Variants in AGBL1 observed in about 807,000 individuals in gnomAD.
AGBL1 encodes the protein AGBL carboxypeptidase 1, also known as cytosolic carboxypeptidase 4.
AGBL1 carries 130 observed loss-of-function variants against 118.9 expected under a neutral mutation model. That is an observed-to-expected ratio of 1.09 (90% CI 0.95 to 1.26). The LOEUF is 1.26. Among genes scored for constraint, AGBL1 ranks in the 50% most tolerant of loss-of-function variants. The pLI, the probability that AGBL1 is intolerant of heterozygous loss-of-function variation, is 0.00. For missense variants in AGBL1, 1,584 were observed against 1,298.1 expected (o/e 1.22, Z -3.38); for synonymous variants, 555 against 478.9 (o/e 1.16, Z -2.08).
intron 1 of AGBL1, among the ~76,000 whole-genome samples, chr15:86,120,554 C>T (rs1265145480): frequency 6.6e-6 from 1 of 152,216 alleles, no homozygotes; most frequent in Admixed American, 6.5e-5. Flanking sequence ...TGGGTAGATG[C>T]AGTGGCTGTG....
rs2082217830 is a variant in AGBL1, at chr15:86,453,279, A to G, written c.2555+55733A>G. On this transcript the variant is annotated intron_variant, in intron 18 of 22. Coordinates refer to ENST00000614907, the MANE Select transcript of AGBL1 (RefSeq NM_001386094.1). ...AATTATGTTGGACACTACTGAATAT[A>G]GATAGCTATTCCCACCAGCCATTCA... is the stretch of plus-strand genomic sequence containing the variant. Among the ~76,000 whole-genome samples the G allele has an allele frequency of 2.0e-5, 3 of 152,252 alleles. No homozygotes were observed. In the South Asian group the frequency reaches 6.2e-4, roughly 31 times the overall value.
At chr15:86,439,266 C>G (rs1406416680) in intron 18 of AGBL1, among the ~76,000 whole-genome samples, 1 of 152,140 alleles carries the variant, frequency 6.6e-6, no homozygotes, top group African/African-American at 2.4e-5. Context: ...AACGTTGAAA[C>G]TAATTTAAAA....
chr15:86,391,970 T>G (rs1172958007), intron 17 of AGBL1, among the ~76,000 whole-genome samples: 1 of 151,842 alleles, frequency 6.6e-6, no homozygotes, highest in Non-Finnish European at 1.5e-5. Context: ...TGAAAATTCA[T>G]TTTTTTTACT....
chr15:86,640,013 T>C (rs773394023), intron 21 of AGBL1, among the ~76,000 whole-genome samples: 1 of 152,222 alleles, frequency 6.6e-6, no homozygotes, highest in Non-Finnish European at 1.5e-5. Flanking sequence ...TCCAGTGGAC[T>C]GGTGTGATTG....
intron 22 of AGBL1, among the ~76,000 whole-genome samples, chr15:86,821,135 T>C (rs2078937911): frequency 6.6e-6 from 1 of 151,286 alleles, no homozygotes; most frequent in Non-Finnish European, 1.5e-5. Context: ...AGAGAACACA[T>C]GGACACAGGG....
intron 21 of AGBL1, among the ~76,000 whole-genome samples, chr15:86,595,257 G>T (rs565412241): frequency 6.6e-6 from 1 of 152,106 alleles, no homozygotes; most frequent in Non-Finnish European, 1.5e-5. Flanking sequence ...TCTCCAGCTT[G>T]GATCTTTTTT....
intron 17 of AGBL1, among the ~76,000 whole-genome samples, chr15:86,313,529 T>C (rs1264047958): frequency 1.3e-5 from 2 of 152,218 alleles, no homozygotes; most frequent in Non-Finnish European, 2.9e-5. Context: ...CTGTCTTCCT[T>C]TGAAGGAAGC....
At chr15:86,755,740 A>G (rs2077929334) in intron 22 of AGBL1, among the ~76,000 whole-genome samples, 1 of 152,038 alleles carries the variant, frequency 6.6e-6, no homozygotes, top group Non-Finnish European at 1.5e-5. Context: ...GAGTGCTTTC[A>G]TTTTAGTTCT....
At chr15:86,697,871 G>C (rs745379037) in intron 22 of AGBL1, among the ~76,000 whole-genome samples, 9 of 151,834 alleles carry the variant, frequency 5.9e-5, no homozygotes, top group African/African-American at 1.9e-4. Flanking sequence ...GGATCTAGCA[G>C]ATTCCTGGGA....
intron 13 of AGBL1, among the ~76,000 whole-genome samples, chr15:86,269,517 G>T (rs1043134495): frequency 7.2e-5 from 11 of 152,112 alleles, no homozygotes; most frequent in Non-Finnish European, 1.6e-4. Flanking sequence ...AAAAAGACTA[G>T]AATTGGAATG....
At chr15:86,816,274 G>T (rs912089959) in intron 22 of AGBL1, among the ~76,000 whole-genome samples, 1 of 152,204 alleles carries the variant, frequency 6.6e-6, no homozygotes, top group Non-Finnish European at 1.5e-5. Context: ...TGTCATATCA[G>T]AGAAGTCAAG....
At chr15:86,536,075 C>A (rs1411713148) in intron 19 of AGBL1, among the ~76,000 whole-genome samples, 1 of 152,034 alleles carries the variant, frequency 6.6e-6, no homozygotes, top group Admixed American at 6.6e-5. Context: ...CTTCCATATT[C>A]TTTTATTTGG....
At chr15:86,671,521 G>T (rs1394442155) in intron 21 of AGBL1, among the ~76,000 whole-genome samples, 1 of 152,096 alleles carries the variant, frequency 6.6e-6, no homozygotes, top group Non-Finnish European at 1.5e-5. Context: ...CAAATCCGGA[G>T]CCAGTTTTAT....
At chr15:86,725,410 G>A (rs1323566894) in intron 22 of AGBL1, among the ~76,000 whole-genome samples, 1 of 152,102 alleles carries the variant, frequency 6.6e-6, no homozygotes, top group Non-Finnish European at 1.5e-5. Context: ...ATGGTTTAAA[G>A]GTAAGTAATT....
Position 86,491,457 on chromosome 15 carries a change from C to T in AGBL1, c.2556-31353C>T, listed in dbSNP as rs572147337. Among the ~76,000 whole-genome samples, 15 of 152,196 alleles carry T rather than the reference C, an allele frequency of 9.9e-5. No homozygotes were observed. The East Asian group carries it at 2.9e-3, about 30-fold the overall frequency. On this transcript the variant is annotated intron_variant, in intron 18 of 22. Coordinates refer to ENST00000614907, the MANE Select transcript of AGBL1 (RefSeq NM_001386094.1). Reference sequence around the variant, plus strand: ...AGAGAGCTCTGGGAATTCTGTGAGGCTTTCAGGCAGGGATGTGGTACAGCA... The same window carrying T: ...AGAGAGCTCTGGGAATTCTGTGAGGTTTTCAGGCAGGGATGTGGTACAGCA...
At chr15:86,652,202 A>G (rs919493802) in intron 21 of AGBL1, among the ~76,000 whole-genome samples, 21 of 152,294 alleles carry the variant, frequency 1.4e-4, no homozygotes, top group African/African-American at 4.1e-4. Context: ...CAGACAATAT[A>G]TGGAGGTACA....
chr15:86,639,797 A>T (rs1345270723), intron 21 of AGBL1, among the ~76,000 whole-genome samples: 3 of 152,214 alleles, frequency 2.0e-5, no homozygotes, highest in African/African-American at 7.2e-5. Flanking sequence ...CAGGCAAGGA[A>T]GGAGGAAAGC....
At chr15:86,357,278 T>C (rs2141913206) in intron 17 of AGBL1, among the ~76,000 whole-genome samples, 1 of 152,316 alleles carries the variant, frequency 6.6e-6, no homozygotes, top group South Asian at 2.1e-4. Flanking sequence ...TAGAAGAATC[T>C]AAAATGGAAT....
At chr15:86,364,962 T>C (rs968956773) in intron 17 of AGBL1, among the ~76,000 whole-genome samples, 1,474 of 23,162 alleles carry the variant, frequency 0.064, 50 homozygotes, top group Middle Eastern at 0.095. Flanking sequence ...GTCACACATA[T>C]ATATATATAT....
Sources: gnomAD v4.1 joint callset for allele counts (sites outside exome capture counted in the v4.1 genomes callset) on GRCh38, gnomAD v4.1.1 for gene constraint, MANE v1.5 for transcripts, NCBI Gene and HGNC (gene_info 2026-07-23, HGNC 2026-07-21) for gene names.